The following TMEM255B variants were observed in gnomAD, a reference collection of about 807,000 sequenced individuals.
The protein encoded by TMEM255B is family with sequence similarity 70, member B.
Under a neutral mutation model 34.5 loss-of-function variants are expected in TMEM255B, and 35 were observed. The observed-to-expected ratio is 1.01, with a 90% CI of 0.77 to 1.34. The LOEUF is 1.34. Ranked by LOEUF, TMEM255B falls within the 40% of genes most tolerant of loss-of-function variation. The pLI is 0.00. For synonymous variants in TMEM255B, 206 were observed against 201.2 expected, an observed-to-expected ratio of 1.02 and a Z score of -0.20; for missense variants, 432 against 433.2, an observed-to-expected ratio of 1.00 and a Z score of 0.02.
At chr13:113,766,010 G>A in intron 1 of TMEM255B, 105 bp from the exon 2 acceptor site, 1 of 1,474,214 alleles carries the variant, frequency 6.8e-7, no homozygotes, top group Non-Finnish European at 9.2e-7. Flanking sequence ...CGGGGATAGT[G>A]CATCCCAGGA....
chr13:113,813,018 T>TCCCGGGTGGGTCACGGGC lies in TMEM255B; in HGVS notation c.*1129_*1130insGGGCCCCGGGTGGGTCAC, dbSNP rs1566342527. 2.4e-4 allele frequency: 27 copies of TCCCGGGTGGGTCACGGGC among 113,340 alleles called. 1 individual carries two copies. Among genetic ancestry groups the TCCCGGGTGGGTCACGGGC allele is most frequent in the African/African-American group, 1.3e-3 (25 of 18,882 alleles). The allele number at this position is 113,340 out of a possible 1,614,324, so 7.0% of individuals were successfully genotyped here. ...TCACGGGTCCCGAGTGGGTCACGGGTCCCGGGTGGGTCACAGGCGCCCCAG... is the reference window on the plus strand; with the variant it reads ...TCACGGGTCCCGAGTGGGTCACGGGTCCCGGGTGGGTCACGGGCCCCGGGTGGGTCACAGGCGCCCCAG... On this transcript the variant is annotated 3_prime_UTR_variant, in exon 9 of 9. Coordinates refer to ENST00000375353, the MANE Select transcript of TMEM255B (RefSeq NM_182614.4).
intron 8 of TMEM255B, among the ~76,000 whole-genome samples, chr13:113,807,348 C>T (rs553771442): frequency 8.1e-4 from 120 of 148,040 alleles, no homozygotes; most frequent in African/African-American, 3.0e-3. Flanking sequence ...GGGGGGCGGT[C>T]CTCCCCGTCA....
At chr13:113,774,901 C>G (rs913724803) in intron 3 of TMEM255B, among the ~76,000 whole-genome samples, 6 of 149,872 alleles carry the variant, frequency 4.0e-5, no homozygotes, top group African/African-American at 1.5e-4. Context: ...ACACAATATA[C>G]AACACACACT....
intron 3 of TMEM255B, among the ~76,000 whole-genome samples, chr13:113,774,622 C>CCACATATACCACACAATACA (rs1566724173): frequency 1.4e-5 from 2 of 144,762 alleles, no homozygotes; most frequent in African/African-American, 5.1e-5. Flanking sequence ...ACAATACACA[C>CCACATATACCACACAATACA]CACATATACC....
intron 8 of TMEM255B, among the ~76,000 whole-genome samples, chr13:113,809,161 A>G (rs1466873605): frequency 3.1e-5 from 3 of 97,620 alleles, no homozygotes; most frequent in African/African-American, 4.1e-5. Flanking sequence ...GGTTCCTGGG[A>G]GTTTACTCTG....
At chr13:113,803,655 C>T (rs1282071677) in intron 7 of TMEM255B, among the ~76,000 whole-genome samples, 5 of 118,560 alleles carry the variant, frequency 4.2e-5, no homozygotes, top group Non-Finnish European at 6.1e-5. Context: ...CCCTCCCTCA[C>T]GGAGCACGAC....
At chr13:113,784,477 G>A (rs7490390) in intron 3 of TMEM255B, among the ~76,000 whole-genome samples, 27,066 of 151,770 alleles carry the variant, frequency 0.18, 2,894 homozygotes, top group African/African-American at 0.3. Flanking sequence ...TTGGCAAAGC[G>A]CCTCCCAGAC....
At chr13:113,773,262 GT>G in intron 3 of TMEM255B, among the ~76,000 whole-genome samples, 2 of 152,312 alleles carry the variant, frequency 1.3e-5, no homozygotes, top group Middle Eastern at 6.8e-3. Context: ...TAGAAATACT[GT>G]TGACTTTGTA....
intron 1 of TMEM255B, among the ~76,000 whole-genome samples, chr13:113,765,139 T>C (rs1192155984): frequency 6.6e-6 from 1 of 152,068 alleles, no homozygotes; most frequent in Non-Finnish European, 1.5e-5. Flanking sequence ...GCAGGCAGGG[T>C]GCTGTGCCGG....
chr13:113,805,167 G>A, intron 8 of TMEM255B, 139 bp downstream of exon 8: 1 of 1,134,308 alleles, frequency 8.8e-7, no homozygotes, highest in South Asian at 1.8e-5. Context: ...GGGGGGCAGT[G>A]ACAACCCTGC....
intron 7 of TMEM255B, among the ~76,000 whole-genome samples, chr13:113,804,340 A>G (rs2051122701): frequency 6.6e-6 from 1 of 152,192 alleles, no homozygotes; most frequent in South Asian, 2.1e-4. Context: ...GGCTTGGGGA[A>G]GCGAGAGCCA....
Position 113,782,675 on chromosome 13 carries a change from AG to A in TMEM255B, c.253-12465del, listed in dbSNP as rs891223193. Among the ~76,000 whole-genome samples the A allele has an allele frequency of 5.4e-5, 7 of 129,270 alleles. No homozygotes were observed. The South Asian group carries it at 9.8e-4, about 18-fold the overall frequency. 84.8% of individuals were successfully genotyped at this position (129,270 alleles called of 152,430 possible). A position where few individuals can be genotyped will look rare whatever the true frequency, so the allele number is the denominator to read the frequency against. ...TGAGATTTCCTCCTGTGATGGTCGGAGGGGGGGGCTTCATTATGAGCCCCAC... is the reference window on the plus strand; with the variant it reads ...TGAGATTTCCTCCTGTGATGGTCGGAGGGGGGGCTTCATTATGAGCCCCAC... On this transcript the variant is annotated intron_variant, in intron 3 of 8. Transcript: ENST00000375353.
chr13:113,774,979 TCA>T lies in TMEM255B; in HGVS notation c.252+5827_252+5828del, dbSNP rs534203606. Among the ~76,000 whole-genome samples, 557 of 88,060 alleles carry T rather than the reference TCA, an allele frequency of 6.3e-3. 8 individuals are homozygous for T. The highest frequency in any genetic ancestry group is 0.022 in the African/African-American group (497 of 22,846). 57.8% of individuals were successfully genotyped at this position (88,060 alleles called of 152,430 possible). On this transcript the variant is annotated intron_variant, in intron 3 of 8. Transcript: ENST00000375353. ...CACGACACACACCACACAATGCACA[TCA>T]CACACACCACACACCACACACTCCA...
chr13:113,811,792 G>A lies in TMEM255B; in HGVS notation c.870G>A (p.Leu290=), dbSNP rs1389836949. The A allele has an allele frequency of 5.0e-6, 8 of 1,613,774 alleles. No individual in the cohort carries two copies. The African/African-American group carries it at 8.0e-5, about 16-fold the overall frequency. The part of the protein sequence containing the change: ...PSSALASSED[L]QPPSPSSSGS... ...CTGCCCTGGCTTCGTCTGAGGACCT[G>A]CAGCCCCCTTCTCCAAGCAGCTCTG... Residue 290 remains leucine, a synonymous_variant, in exon 9 of 9, where the codon CTG becomes CTA. Coordinates refer to ENST00000375353, the MANE Select transcript of TMEM255B (RefSeq NM_182614.4).
At chr13:113,794,915 G>A (rs967062389) in intron 3 of TMEM255B, among the ~76,000 whole-genome samples, 9 of 152,224 alleles carry the variant, frequency 5.9e-5, no homozygotes, top group East Asian at 1.9e-4. Context: ...GGATGGCAAC[G>A]CCCTTCCGTG....
chr13:113,812,332 C>T lies in TMEM255B; in HGVS notation c.*429C>T, dbSNP rs559091800. On this transcript the variant is annotated 3_prime_UTR_variant, in exon 9 of 9. Transcript: ENST00000375353. ...TGTGCATCTGTGTCCTGGAGAAGCG[C>T]AGGGCAGAAGCCACCCGCCCCTCGT... is the stretch of plus-strand genomic sequence containing the variant. The T allele has an allele frequency of 2.3e-5, 4 of 177,478 alleles. No individual in the cohort carries two copies. The highest frequency in any genetic ancestry group is 4.8e-5 in the Non-Finnish European group (4 of 84,028). The allele number at this position is 177,478 out of a possible 1,614,324, so 11.0% of individuals were successfully genotyped here. A position where few individuals can be genotyped will look rare whatever the true frequency, so the allele number is the denominator to read the frequency against.
At chr13:113,797,511 CCT>C (rs1033547011) in intron 4 of TMEM255B, among the ~76,000 whole-genome samples, 2 of 152,168 alleles carry the variant, frequency 1.3e-5, no homozygotes, top group African/African-American at 4.8e-5. Context: ...GGTGCACTGC[CCT>C]CTCTCCAGGA....
Position 113,799,960 on chromosome 13 carries a change from C to G in TMEM255B, c.423+541C>G, listed in dbSNP as rs1272796856. On this transcript the variant is annotated intron_variant, in intron 5 of 8. Coordinates refer to ENST00000375353, the MANE Select transcript of TMEM255B (RefSeq NM_182614.4). ...TCCTGGCTTTAACTAAACGCAGCCT[C>G]TCATCCTCAGCACGCGTGTCAGAGG... 4 of 1,286,668 alleles carry G rather than the reference C, an allele frequency of 3.1e-6. No individual in the cohort carries two copies. The African/African-American group carries it at 6.1e-5, about 20-fold the overall frequency. The allele number at this position is 1,286,668 out of a possible 1,614,324, so 79.7% of individuals were successfully genotyped here.
intron 1 of TMEM255B, among the ~76,000 whole-genome samples, chr13:113,763,775 CT>C (rs1175950164): frequency 6.6e-6 from 1 of 152,252 alleles, no homozygotes; most frequent in Non-Finnish European, 1.5e-5. Flanking sequence ...TACCCACTGT[CT>C]CCCTTTTCCT....
Sources: gnomAD v4.1 joint callset for allele counts (sites outside exome capture counted in the v4.1 genomes callset) on GRCh38, gnomAD v4.1.1 for gene constraint, MANE v1.5 for transcripts, NCBI Gene and HGNC (gene_info 2026-07-23, HGNC 2026-07-21) for gene names.